Variants in PTCHD4 observed in about 807,000 individuals in gnomAD.
PTCHD4 encodes patched domain containing 4.
A neutral mutation model predicts 58.1 loss-of-function variants in PTCHD4; 33 were observed. The observed-to-expected ratio is 0.57, with a 90% CI of 0.43 to 0.76. The LOEUF (loss-of-function observed/expected upper bound fraction) is 0.76, where lower values mean the gene tolerates loss of function less well. Ranked by LOEUF, PTCHD4 falls within the 30% of genes least tolerant of loss-of-function variation. The pLI is 0.00. For synonymous variants in PTCHD4, 478 were observed against 409.6 expected (o/e 1.17, Z -2.02); for missense variants, 1,058 against 1,027.1 (o/e 1.03, Z -0.41).
Position 47,866,350 on chromosome 6 carries a change from A to G in PTCHD4, c.*11953T>C, listed in dbSNP as rs995305396. ...GTCTCGCTATAGGATATATTGATTT[A>G]AGTAGTCTGGCATGAAGTCTGGGCA... On this transcript the variant is annotated 3_prime_UTR_variant, in exon 5 of 5. Transcript: ENST00000339488. Among the ~76,000 whole-genome samples, 2 of 151,870 alleles carry G rather than the reference A, an allele frequency of 1.3e-5. No individual in the cohort carries two copies. Among genetic ancestry groups the G allele is most frequent in the African/African-American group, 4.8e-5 (2 of 41,416 alleles).
chr6:47,974,839 A>C (rs566788901), intron 4 of PTCHD4, among the ~76,000 whole-genome samples: 1 of 152,328 alleles, frequency 6.6e-6, no homozygotes, highest in South Asian at 2.1e-4. Flanking sequence ...AGATACAAAA[A>C]TATCAGCCAG....
chr6:47,975,019 A>T (rs1472725616), intron 4 of PTCHD4, among the ~76,000 whole-genome samples: 2 of 152,134 alleles, frequency 1.3e-5, no homozygotes, highest in African/African-American at 4.8e-5. Context: ...AACAAACAAA[A>T]CAAAACAGTT....
At chr6:48,042,675 G>T (rs1175267574) in intron 3 of PTCHD4, among the ~76,000 whole-genome samples, 1 of 151,748 alleles carries the variant, frequency 6.6e-6, no homozygotes, top group Non-Finnish European at 1.5e-5. Flanking sequence ...CCAATAGTTT[G>T]GTCAACTTTC....
At chr6:48,025,044 A>C (rs1317838097) in intron 3 of PTCHD4, among the ~76,000 whole-genome samples, 2 of 152,182 alleles carry the variant, frequency 1.3e-5, no homozygotes, top group African/African-American at 4.8e-5. Context: ...AATAATTTGC[A>C]GCAAACTTTA....
At chr6:47,931,006 A>C (rs1421149003) in intron 4 of PTCHD4, among the ~76,000 whole-genome samples, 1 of 152,160 alleles carries the variant, frequency 6.6e-6, no homozygotes, top group Non-Finnish European at 1.5e-5. Context: ...GCTGGTCTTG[A>C]ACTCCTGACC....
rs546313048 is a variant in PTCHD4, at chr6:48,102,907, G to A, written c.-970+8142C>T. Among the ~76,000 whole-genome samples the A allele has an allele frequency of 2.0e-4, 31 of 152,354 alleles. No individual in the cohort carries two copies. In the South Asian group the frequency reaches 5.8e-3, roughly 28 times the overall value. ...GCAAGGCGGCAGTGAGGCTGGGGGA[G>A]GGGTGCCCACCATTGCTCAGGCTCG... is the stretch of plus-strand genomic sequence containing the variant. On this transcript the variant is annotated intron_variant, in intron 1 of 4. Coordinates refer to ENST00000339488, the MANE Select transcript of PTCHD4 (RefSeq NM_001384253.1).
At chr6:47,978,386 C>G (rs1767771536) in intron 4 of PTCHD4, among the ~76,000 whole-genome samples, 1 of 152,158 alleles carries the variant, frequency 6.6e-6, no homozygotes, top group African/African-American at 2.4e-5. Flanking sequence ...CTGGAGAGCT[C>G]TGCTTCAGTG....
chr6:47,891,281 C>T (rs1764374324), intron 4 of PTCHD4, among the ~76,000 whole-genome samples: 1 of 149,886 alleles, frequency 6.7e-6, no homozygotes, highest in South Asian at 2.1e-4. Flanking sequence ...GGGCTGGGTG[C>T]TGTCAAGTAG....
chr6:47,917,122 G>T (rs1765283021), intron 4 of PTCHD4, among the ~76,000 whole-genome samples: 1 of 151,634 alleles, frequency 6.6e-6, no homozygotes, highest in Non-Finnish European at 1.5e-5. Context: ...CTACTTTTGA[G>T]CAAAGCAAAA....
chr6:47,906,594 T>G (rs1402412920), intron 4 of PTCHD4, among the ~76,000 whole-genome samples: 1 of 152,222 alleles, frequency 6.6e-6, no homozygotes, highest in Non-Finnish European at 1.5e-5. Context: ...GACTACATGA[T>G]GTGGGCAGAT....
In PTCHD4 at chr6:48,069,659, C is replaced by G. The variant is rs1189615408; in HGVS notation, c.-702G>C. On this transcript the variant is annotated 5_prime_UTR_variant, in exon 2 of 5. Transcript: ENST00000339488. Reference sequence around the variant, plus strand: ...AGGAGGCATTTGCCAATAGCAGTAGCCTGTGTGCGTGTGCGTGTGCGTGTG... The same window carrying G: ...AGGAGGCATTTGCCAATAGCAGTAGGCTGTGTGCGTGTGCGTGTGCGTGTG... 6.7e-6 allele frequency among the ~76,000 whole-genome samples: 1 copy of G among 148,370 alleles called. No homozygotes were observed. The highest frequency in any genetic ancestry group is 1.5e-5 in the Non-Finnish European group (1 of 67,100).
intron 3 of PTCHD4, among the ~76,000 whole-genome samples, chr6:48,066,222 T>A (rs1486008435): frequency 1.3e-5 from 2 of 152,146 alleles, no homozygotes; most frequent in Non-Finnish European, 2.9e-5. Flanking sequence ...GGAGAGCATT[T>A]AGTAAATCAT....
At chr6:47,977,374 G>A (rs1430574960) in intron 4 of PTCHD4, among the ~76,000 whole-genome samples, 1 of 152,142 alleles carries the variant, frequency 6.6e-6, no homozygotes, top group Admixed American at 6.5e-5. Context: ...ATTCTCTTGA[G>A]GGCTTTGATG....
chr6:48,093,863 T>A (rs903261646), intron 1 of PTCHD4, among the ~76,000 whole-genome samples: 5 of 152,196 alleles, frequency 3.3e-5, no homozygotes, highest in African/African-American at 1.2e-4. Flanking sequence ...AGAATTACAC[T>A]GAAGCTGCTG....
At chr6:47,901,986 G>T in intron 4 of PTCHD4, 1 of 1,161,368 alleles carries the variant, frequency 8.6e-7, no homozygotes, top group Non-Finnish European at 1.2e-6. Context: ...TATATTTCTA[G>T]CCTCACTCAT....
chr6:47,959,458 T>C (rs956840325), intron 4 of PTCHD4, among the ~76,000 whole-genome samples: 2 of 152,094 alleles, frequency 1.3e-5, no homozygotes, highest in African/African-American at 4.8e-5. Flanking sequence ...GTCTAATATA[T>C]ATAGAATTGG....
chr6:47,919,792 A>G (rs1168409756), intron 4 of PTCHD4, among the ~76,000 whole-genome samples: 1 of 152,168 alleles, frequency 6.6e-6, no homozygotes, highest in Non-Finnish European at 1.5e-5. Context: ...ATGTCTAACA[A>G]AAACAATTCT....
chr6:48,059,082 A>C (rs1369971323), intron 3 of PTCHD4, among the ~76,000 whole-genome samples: 1 of 152,224 alleles, frequency 6.6e-6, no homozygotes, highest in Non-Finnish European at 1.5e-5. Flanking sequence ...AAGAATGTAT[A>C]ATGAACCAGG....
At chr6:47,918,385 C>T (rs145157636) in intron 4 of PTCHD4, among the ~76,000 whole-genome samples, 1 of 152,050 alleles carries the variant, frequency 6.6e-6, no homozygotes, top group South Asian at 2.1e-4. Flanking sequence ...TCCAGATCAA[C>T]CTGGGGAAAT....
Sources: allele counts gnomAD v4.1 joint callset (sites outside exome capture counted in the v4.1 genomes callset), GRCh38; gene constraint gnomAD v4.1.1; transcripts MANE v1.5; gene names NCBI Gene and HGNC (gene_info 2026-07-23, HGNC 2026-07-21).